The following FOXN3 variants were observed in gnomAD, a reference collection of about 807,000 sequenced individuals.
FOXN3 encodes forkhead box N3, also known as forkhead box protein N3.
In FOXN3, 7 loss-of-function variants were observed where a neutral mutation model predicts 38.4. That is an observed-to-expected ratio of 0.18 (90% CI 0.10 to 0.34). The LOEUF (loss-of-function observed/expected upper bound fraction) is 0.34. Ranked by LOEUF, FOXN3 falls within the 10% of genes least tolerant of loss-of-function variation. FOXN3 has a pLI of 1.00. For missense variants in FOXN3, 456 were observed against 613.4 expected (o/e 0.74, Z 2.71); for synonymous variants, 230 against 242.2 (o/e 0.95, Z 0.47).
chr14:89,547,038 G>C (rs1894901083), intron 1 of FOXN3, among the ~76,000 whole-genome samples: 1 of 151,952 alleles, frequency 6.6e-6, no homozygotes, highest in African/African-American at 2.4e-5. Flanking sequence ...ACCCGCCGCA[G>C]CCTCCCAAAG....
intron 1 of FOXN3, among the ~76,000 whole-genome samples, chr14:89,457,856 T>C (rs1262968101): frequency 1.3e-5 from 2 of 151,210 alleles, no homozygotes; most frequent in South Asian, 4.2e-4. Context: ...CTACTAAAAA[T>C]AGAAAAAATC....
intron 1 of FOXN3, among the ~76,000 whole-genome samples, chr14:89,618,573 C>A (rs1403424905): frequency 6.6e-6 from 1 of 152,146 alleles, no homozygotes; most frequent in African/African-American, 2.4e-5. Flanking sequence ...GCTGTAAACT[C>A]TGCCCAGCCA....
intron 4 of FOXN3, among the ~76,000 whole-genome samples, chr14:89,210,828 C>T (rs1884067021): frequency 6.6e-6 from 1 of 152,184 alleles, no homozygotes; most frequent in African/African-American, 2.4e-5. Flanking sequence ...TGAAACACTC[C>T]ATCGACAGGG....
intron 4 of FOXN3, among the ~76,000 whole-genome samples, chr14:89,197,246 G>A (rs1328286215): frequency 6.6e-6 from 1 of 152,174 alleles, no homozygotes; most frequent in Non-Finnish European, 1.5e-5. Context: ...GGTAGCTTGT[G>A]CCAGTAATCC....
At chr14:89,463,024 G>A (rs757437300) in intron 1 of FOXN3, among the ~76,000 whole-genome samples, 1 of 151,164 alleles carries the variant, frequency 6.6e-6, no homozygotes, top group Non-Finnish European at 1.5e-5. Flanking sequence ...CCGGCCAGGC[G>A]CAGTGGCTGT....
intron 1 of FOXN3, among the ~76,000 whole-genome samples, chr14:89,450,878 C>A (rs1238952691): frequency 6.6e-6 from 1 of 152,200 alleles, no homozygotes; most frequent in East Asian, 1.9e-4. Flanking sequence ...AAATAACTTT[C>A]AAGACTTGCC....
chr14:89,370,525 C>T (rs1398616137), intron 2 of FOXN3, among the ~76,000 whole-genome samples: 2 of 152,244 alleles, frequency 1.3e-5, no homozygotes, highest in African/African-American at 2.4e-5. Flanking sequence ...AACTCATGCA[C>T]ATCTGTGCCC....
Position 89,582,696 on chromosome 14 carries a change from C to CAT in FOXN3, c.-15+36330_-15+36331dup, listed in dbSNP as rs575202206. 1.5e-3 allele frequency among the ~76,000 whole-genome samples: 231 copies of CAT among 152,192 alleles called. 1 individual carries two copies. Among genetic ancestry groups the CAT allele is most frequent in the Middle Eastern group, 3.4e-3 (1 of 294 alleles). ...AAGAATGCAATTTGATAGGTTTTAA[C>CAT]ATATATATACACCTGTGAAACCATC... On this transcript the variant is annotated intron_variant, in intron 1 of 6. Transcript: ENST00000345097.
intron 4 of FOXN3, among the ~76,000 whole-genome samples, chr14:89,195,774 G>C (rs56682784): frequency 2.6e-5 from 4 of 152,142 alleles, no homozygotes; most frequent in East Asian, 1.9e-4. Context: ...AGTGAGACAG[G>C]GGGGTACGAG....
At chr14:89,399,514 A>G (rs1242246344) in intron 2 of FOXN3, among the ~76,000 whole-genome samples, 1 of 152,180 alleles carries the variant, frequency 6.6e-6, no homozygotes, top group Non-Finnish European at 1.5e-5. Context: ...TTTTGGGACA[A>G]GTACCCTTTT....
intron 1 of FOXN3, among the ~76,000 whole-genome samples, chr14:89,443,103 G>A (rs1382609429): frequency 6.6e-6 from 1 of 152,178 alleles, no homozygotes; most frequent in Admixed American, 6.5e-5. Context: ...TAAAATACTG[G>A]TGAGGTCATG....
intron 4 of FOXN3, among the ~76,000 whole-genome samples, chr14:89,215,791 T>C (rs1884260607): frequency 6.6e-6 from 1 of 152,168 alleles, no homozygotes; most frequent in Admixed American, 6.5e-5. Flanking sequence ...GCAACATTCC[T>C]GCGTCTGGCG....
At chr14:89,284,280 C>T (rs1197009489) in intron 3 of FOXN3, 1 of 346,396 alleles carries the variant, frequency 2.9e-6, no homozygotes, top group Non-Finnish European at 5.7e-6. Context: ...CCTCCCAAAG[C>T]ACTGGTGGTG....
chr14:89,462,745 C>T (rs1474901342), intron 1 of FOXN3, among the ~76,000 whole-genome samples: 2 of 150,720 alleles, frequency 1.3e-5, no homozygotes, highest in Non-Finnish European at 3.0e-5. Context: ...AGTGCAGTGG[C>T]ACGATCTCGG....
intron 1 of FOXN3, among the ~76,000 whole-genome samples, chr14:89,568,089 C>G (rs944614142): frequency 2.0e-5 from 3 of 152,036 alleles, no homozygotes; most frequent in African/African-American, 4.8e-5. Context: ...AAAACCTATC[C>G]TCTCGCTGCC....
At chr14:89,451,466 G>A (rs180928281) in intron 1 of FOXN3, among the ~76,000 whole-genome samples, 2 of 152,266 alleles carry the variant, frequency 1.3e-5, no homozygotes, top group Admixed American at 6.5e-5. Context: ...TGTAGCTTCC[G>A]GACCAAGTTA....
intron 1 of FOXN3, among the ~76,000 whole-genome samples, chr14:89,515,077 G>A (rs1471699559): frequency 2.6e-5 from 4 of 151,916 alleles, no homozygotes; most frequent in African/African-American, 7.3e-5. Flanking sequence ...CCGCCACCAC[G>A]TCCAGCTACT....
At position 89,412,204 on chromosome 14, in the gene FOXN3, G is replaced by A. The variant is rs1804718; in HGVS notation, c.273C>T (p.Asp91=). The part of the protein sequence containing the change: ...LRSVSPVQDL[D]DDTPPSPAHS... Reference sequence around the variant, plus strand: ...GGGCAGGGGATGGGGGGGTGTCATCGTCCAGGTCCTGGACGGGGCTGACAC... The same window carrying A: ...GGGCAGGGGATGGGGGGGTGTCATCATCCAGGTCCTGGACGGGGCTGACAC... Residue 91 remains aspartate, a synonymous_variant, in exon 2 of 6, where the codon GAC becomes GAT. Transcript: ENST00000557258. This position sits in a 1 kb window ranked among gnomAD's most constrained non-coding sequence, Gnocchi z 4.7. 1.9e-6 allele frequency: 3 copies of A among 1,613,946 alleles called. No individual in the cohort carries two copies. Among genetic ancestry groups the A allele is most frequent in the South Asian group, 1.1e-5 (1 of 91,076 alleles).
chr14:89,530,116 T>G (rs1894524765), intron 1 of FOXN3, among the ~76,000 whole-genome samples: 1 of 152,026 alleles, frequency 6.6e-6, no homozygotes, highest in African/African-American at 2.4e-5. Flanking sequence ...ATTTTTGTAT[T>G]TTTAGTAGAG....
Sources: allele counts gnomAD v4.1 joint callset (sites outside exome capture counted in the v4.1 genomes callset), GRCh38; gene constraint gnomAD v4.1.1; non-coding constraint Gnocchi (gnomAD v3.1); transcripts MANE v1.5; gene names NCBI Gene and HGNC (gene_info 2026-07-23, HGNC 2026-07-21).